Variants in PRSS12 observed in about 807,000 individuals in gnomAD.
PRSS12 encodes serine protease 12.
PRSS12 carries 85 observed loss-of-function variants against 104.4 expected under a neutral mutation model. The observed-to-expected ratio is 0.81, with a 90% CI of 0.68 to 0.98. The LOEUF (loss-of-function observed/expected upper bound fraction) is 0.98. Ranked by LOEUF, PRSS12 falls within the 50% of genes least tolerant of loss-of-function variation. The probability of loss-of-function intolerance (pLI) is 0.00; values close to 1 mark genes in which losing one functional copy is unlikely to be tolerated. For missense variants in PRSS12, 1,141 were observed against 1,139.2 expected, an observed-to-expected ratio of 1.00 and a Z score of -0.02; for synonymous variants, 454 against 425.2, an observed-to-expected ratio of 1.07 and a Z score of -0.83.
chr4:118,295,778 C>A lies in PRSS12; in HGVS notation c.1916G>T (p.Arg639Met). 6.2e-7 allele frequency: 1 copy of A among 1,611,890 alleles called. No homozygotes were observed. The highest frequency in any genetic ancestry group is 8.5e-7 in the Non-Finnish European group (1 of 1,178,104). ...KRIIGGKNSL[R>M]GGWPWQVSLR... is the part of the protein sequence containing the mutation. ...AAATCTCTTTTGGAGGAACATTTAC[C>A]TTAAAGAATTTTTCCCACCAATGAT... The change falls in exon 10 of 13, where the codon AGG becomes ATG. Residue 639 changes from arginine to methionine, a missense_variant and splice_region_variant. Transcript: ENST00000296498.
At chr4:118,288,336 T>C (rs568489498) in intron 11 of PRSS12, among the ~76,000 whole-genome samples, 29 of 152,332 alleles carry the variant, frequency 1.9e-4, no homozygotes, top group Non-Finnish European at 3.1e-4. Context: ...ATTGGTGATA[T>C]GTGTATTACC....
At chr4:118,335,407 C>T in intron 3 of PRSS12, 66 bp downstream of exon 3, 4 of 1,565,732 alleles carry the variant, frequency 2.6e-6, no homozygotes, top group Non-Finnish European at 2.6e-6. Flanking sequence ...AAGACACTTT[C>T]ATCATCTGGA....
chr4:118,335,490 G>A lies in PRSS12; in HGVS notation c.803C>T (p.Thr268Met), dbSNP rs749085303. The part of the protein sequence containing the change: ...VCPQKMAAAV[T>M]CSFSHGPTFP... ...TTTTTTACCATGGGAAAAGCTACAC[G>A]TGACAGCAGCTGCCATCTTCTGAGG... The change falls in exon 3 of 13, where the codon ACG becomes ATG. Residue 268 changes from threonine to methionine, a missense_variant. Coordinates refer to ENST00000296498, the MANE Select transcript of PRSS12 (RefSeq NM_003619.4). 2.7e-5 allele frequency: 44 copies of A among 1,613,640 alleles called. No homozygotes were observed. The highest frequency in any genetic ancestry group is 1.5e-4 in the Admixed American group (9 of 59,958).
At chr4:118,349,943 C>A (rs1024068098) in intron 1 of PRSS12, among the ~76,000 whole-genome samples, 2 of 152,112 alleles carry the variant, frequency 1.3e-5, no homozygotes, top group African/African-American at 4.8e-5. Context: ...GCGGAGGTTG[C>A]AGTGAGCTGA....
At chr4:118,322,205 A>G (rs1197581408) in intron 4 of PRSS12, among the ~76,000 whole-genome samples, 2 of 152,204 alleles carry the variant, frequency 1.3e-5, no homozygotes, top group Non-Finnish European at 2.9e-5. Context: ...TGTTTTAAAG[A>G]TTACTTATAG....
rs199541556 is a variant in PRSS12, at chr4:118,283,035, C to T, written c.2116G>A (p.Glu706Lys). The change falls in exon 12 of 13, where the codon GAA becomes AAA. Residue 706 changes from glutamate to lysine, a missense_variant. By Grantham distance (56) the Glu-to-Lys change is moderately conservative. Coordinates refer to ENST00000296498, the MANE Select transcript of PRSS12 (RefSeq NM_003619.4). The stretch of plus-strand genomic sequence containing the variant: ...ATCACAATCTGTTGAACTCCAATTT[C>T]TTCCTCAAACTCCTCTGGTACCAGA... ...HTLVPEEFEE[E>K]IGVQQIVIHR... is the part of the protein sequence containing the mutation. 2.2e-5 allele frequency: 36 copies of T among 1,614,080 alleles called. No individual in the cohort carries two copies. The highest frequency in any genetic ancestry group is 2.9e-5 in the Non-Finnish European group (34 of 1,180,054).
Position 118,316,649 on chromosome 4 carries a change from C to T in PRSS12, c.1151-326G>A, listed in dbSNP as rs560441505. ...TCAGCCTGGCCAACATGGTGAAACC[C>T]TGTCTCTACTAAAAATACAAAAATT... On this transcript the variant is annotated intron_variant, in intron 5 of 12. Transcript: ENST00000296498. Among the ~76,000 whole-genome samples, 798 of 151,754 alleles carry T rather than the reference C, an allele frequency of 5.3e-3. 14 individuals are homozygous for T. Among genetic ancestry groups the T allele is most frequent in the African/African-American group, 0.018 (755 of 41,434 alleles).
At chr4:118,304,642 G>A (rs371688085) in intron 8 of PRSS12, among the ~76,000 whole-genome samples, 13 of 152,018 alleles carry the variant, frequency 8.6e-5, no homozygotes, top group East Asian at 1.9e-4. Flanking sequence ...TGGAATTTCC[G>A]TCATGACTAC....
intron 4 of PRSS12, among the ~76,000 whole-genome samples, chr4:118,324,741 G>A (rs534220996): frequency 6.6e-6 from 1 of 152,116 alleles, no homozygotes; most frequent in Admixed American, 6.5e-5. Flanking sequence ...TTTGAAGACA[G>A]AGTCTCTGTC....
At chr4:118,288,087 T>C (rs776924835) in intron 11 of PRSS12, among the ~76,000 whole-genome samples, 10 of 152,234 alleles carry the variant, frequency 6.6e-5, no homozygotes, top group Non-Finnish European at 1.2e-4. Flanking sequence ...ATATTCTTTG[T>C]GTTTCTTCTC....
At chr4:118,297,321 A>C (rs1263128377) in intron 9 of PRSS12, among the ~76,000 whole-genome samples, 3 of 152,154 alleles carry the variant, frequency 2.0e-5, no homozygotes, top group Non-Finnish European at 4.4e-5. Flanking sequence ...AAACAAACAT[A>C]TAAATAATGT....
intron 1 of PRSS12, among the ~76,000 whole-genome samples, chr4:118,349,959 C>A: frequency 6.6e-6 from 1 of 152,098 alleles, no homozygotes; most frequent in South Asian, 2.1e-4. Flanking sequence ...GCTGAGATTG[C>A]ACCACTGCAC....
chr4:118,337,784 TAATAATTAG>T (rs1156343381), intron 2 of PRSS12, among the ~76,000 whole-genome samples: 1 of 151,894 alleles, frequency 6.6e-6, no homozygotes, highest in Non-Finnish European at 1.5e-5. Context: ...TAATTATAAT[TAATAATTAG>T]AATAATTATA....
At chr4:118,332,531 T>C (rs1296642895) in intron 3 of PRSS12, among the ~76,000 whole-genome samples, 1 of 152,214 alleles carries the variant, frequency 6.6e-6, no homozygotes, top group Non-Finnish European at 1.5e-5. Flanking sequence ...TTCTCTGCCC[T>C]GGATAAGACA....
intron 4 of PRSS12, among the ~76,000 whole-genome samples, chr4:118,327,172 T>A (rs1215036266): frequency 3.9e-5 from 6 of 152,044 alleles, no homozygotes; most frequent in Non-Finnish European, 8.8e-5. Flanking sequence ...TTTTTTTTTT[T>A]GAAACAGGGT....
intron 1 of PRSS12, among the ~76,000 whole-genome samples, chr4:118,350,961 G>A (rs1041648738): frequency 2.0e-5 from 3 of 152,146 alleles, no homozygotes; most frequent in Admixed American, 6.6e-5. Context: ...CTCTTATGGT[G>A]AATAACGAGA....
At chr4:118,321,203 A>G (rs865873101) in intron 4 of PRSS12, among the ~76,000 whole-genome samples, 1 of 152,218 alleles carries the variant, frequency 6.6e-6, no homozygotes, top group African/African-American at 2.4e-5. Context: ...TTGCTAAGGG[A>G]AATGTAATGA....
At chr4:118,313,097 C>T in intron 7 of PRSS12, 104 bp downstream of exon 7, 2 of 1,376,506 alleles carry the variant, frequency 1.5e-6, no homozygotes, top group South Asian at 2.5e-5. Flanking sequence ...GAAATAGACC[C>T]CAAAAAAAGC....
At chr4:118,307,539 G>A (rs1268442855) in intron 8 of PRSS12, among the ~76,000 whole-genome samples, 1 of 152,094 alleles carries the variant, frequency 6.6e-6, no homozygotes, top group East Asian at 1.9e-4. Context: ...CCTCTGAATT[G>A]TAACATTTTC....
Sources: allele counts gnomAD v4.1 joint callset (sites outside exome capture counted in the v4.1 genomes callset), GRCh38; gene constraint gnomAD v4.1.1; transcripts MANE v1.5; gene names NCBI Gene and HGNC (gene_info 2026-07-23, HGNC 2026-07-21).